Variants in GALNT1 observed in about 807,000 individuals in gnomAD.
GALNT1 encodes polypeptide N-acetylgalactosaminyltransferase 1.
Under a neutral mutation model 65.7 loss-of-function variants are expected in GALNT1, and 17 were observed. The ratio of observed to expected loss-of-function variants is 0.26; its 90% CI spans 0.18 to 0.39. GALNT1 has a LOEUF of 0.39. GALNT1 is among the 10% of genes least tolerant of loss of function. The pLI is 1.00. For missense variants in GALNT1, 460 were observed against 672.8 expected (o/e 0.68, Z 3.50); for synonymous variants, 210 against 219.7 (o/e 0.96, Z 0.39).
chr18:35,632,392 A>G (rs76832959), intron 1 of GALNT1, among the ~76,000 whole-genome samples: 12,439 of 151,834 alleles, frequency 0.082, 617 homozygotes, highest in Admixed American at 0.17. Context: ...CAGAAATAAT[A>G]CCACACATCT....
intron 3 of GALNT1, among the ~76,000 whole-genome samples, chr18:35,669,782 A>T (rs995194357): frequency 6.6e-6 from 1 of 152,222 alleles, no homozygotes; most frequent in Admixed American, 6.5e-5. Flanking sequence ...CATGACACAG[A>T]TGCCTGTTAA....
rs1226694575 is a variant in GALNT1 at position 35,677,730 on chromosome 18, G to A, written c.454G>A (p.Val152Ile). ...ACCAAGACACATGATAGAAGAAATT[G>A]TTCTAGTAGATGATGCCAGTGAAAG... The part of the protein sequence containing the change: ...RSPRHMIEEI[V>I]LVDDASERDF... The change falls in exon 4 of 12, where the codon GTT becomes ATT. Residue 152 changes from valine to isoleucine, a missense_variant. By Grantham distance (29) the Val-to-Ile change is conservative. Transcript: ENST00000269195. The A allele has an allele frequency of 6.2e-7, 1 of 1,607,240 alleles. No individual in the cohort carries two copies. Among genetic ancestry groups the A allele is most frequent in the Non-Finnish European group, 8.5e-7 (1 of 1,175,978 alleles).
In GALNT1 at chr18:35,630,830, G is replaced by C. The variant is rs1446287514; in HGVS notation, c.-103-23730G>C. On this transcript the variant is annotated intron_variant, in intron 1 of 11. Coordinates refer to ENST00000269195, the MANE Select transcript of GALNT1 (RefSeq NM_020474.4). ...AGCAAGACTAATAAAGAAGAAAAGA[G>C]AGAAGAATCAAATAGACGCAATAAA... is the stretch of plus-strand genomic sequence containing the variant. Among the ~76,000 whole-genome samples the C allele has an allele frequency of 2.0e-5, 3 of 152,126 alleles. No homozygotes were observed. The East Asian group carries it at 5.8e-4, about 29-fold the overall frequency.
intron 3 of GALNT1, among the ~76,000 whole-genome samples, chr18:35,671,411 G>C (rs567788324): frequency 6.6e-6 from 1 of 152,088 alleles, no homozygotes; most frequent in African/African-American, 2.4e-5. Context: ...AGAGATGGGG[G>C]TCTCACGCCA....
chr18:35,596,199 C>G (rs1210710225), intron 1 of GALNT1: 1 of 152,072 alleles, frequency 6.6e-6, no homozygotes, highest in Non-Finnish European at 1.5e-5. Context: ...ACTCTTTTCC[C>G]CAGAGACCCC....
In GALNT1 at chr18:35,581,848, C is replaced by CGCG. The variant is rs1555644108; in HGVS notation, c.-117_-115dup. Reference sequence around the variant, plus strand: ...GGAGGACGCCTGCCGCCGCCGCCGCCGCGCGCCTAGCGAGGTGAGTGTATC... The same window carrying CGCG: ...GGAGGACGCCTGCCGCCGCCGCCGCCGCGGCGCGCCTAGCGAGGTGAGTGTATC... On this transcript the variant is annotated 5_prime_UTR_variant, in exon 1 of 12. Transcript: ENST00000269195. 9 of 110,428 alleles carry CGCG rather than the reference C, an allele frequency of 8.2e-5. No individual in the cohort carries two copies. Among genetic ancestry groups the CGCG allele is most frequent in the Admixed American group, 7.7e-4 (9 of 11,728 alleles). 6.8% of individuals were successfully genotyped at this position (110,428 alleles called of 1,614,324 possible). A position where few individuals can be genotyped will look rare whatever the true frequency, so the allele number is the denominator to read the frequency against.
intron 1 of GALNT1, among the ~76,000 whole-genome samples, chr18:35,654,171 C>G (rs2047347349): frequency 6.6e-6 from 1 of 152,122 alleles, no homozygotes; most frequent in Admixed American, 6.6e-5. Flanking sequence ...AGTTAAGACC[C>G]AGGTGTTTGA....
intron 1 of GALNT1, among the ~76,000 whole-genome samples, chr18:35,628,657 C>G (rs1281508878): frequency 6.6e-6 from 1 of 152,122 alleles, no homozygotes; most frequent in Non-Finnish European, 1.5e-5. Flanking sequence ...AAAATCAGAG[C>G]ACCTCTCCTC....
intron 1 of GALNT1, among the ~76,000 whole-genome samples, chr18:35,628,533 A>T (rs1419433950): frequency 6.6e-6 from 1 of 152,236 alleles, no homozygotes; most frequent in African/African-American, 2.4e-5. Flanking sequence ...AAACTAACAA[A>T]CAGAAAGGAC....
rs117377095 is a variant in GALNT1 at position 35,653,695 on chromosome 18, G to A, written c.-103-865G>A. ...TCATGCTCCAAGATGAATTCCTTAC[G>A]CTTAAGACACCTATGCTCAAACTAT... On this transcript the variant is annotated intron_variant, in intron 1 of 11. Coordinates refer to ENST00000269195, the MANE Select transcript of GALNT1 (RefSeq NM_020474.4). 4.5e-4 allele frequency among the ~76,000 whole-genome samples: 68 copies of A among 152,256 alleles called. No homozygotes were observed. In the East Asian group the frequency reaches 0.012, roughly 27 times the overall value.
intron 1 of GALNT1, among the ~76,000 whole-genome samples, chr18:35,588,408 G>A (rs72958836): frequency 0.082 from 12,405 of 152,114 alleles, 563 homozygotes; most frequent in African/African-American, 0.12. Context: ...ATACATTTCG[G>A]TGTGGATTCC....
rs75448346 is a variant in GALNT1 at position 35,634,346 on chromosome 18, A to C, written c.-103-20214A>C. Among the ~76,000 whole-genome samples, 1,358 of 152,296 alleles carry C rather than the reference A, an allele frequency of 8.9e-3. 22 individuals carry two copies. The highest frequency in any genetic ancestry group is 0.029 in the African/African-American group (1,216 of 41,560). ...AATTTCAGCATTTGGCTTAATAGAC[A>C]CTGATTTCTGTCTTAATATGCTGAT... On this transcript the variant is annotated intron_variant, in intron 1 of 11. Transcript: ENST00000269195.
intron 1 of GALNT1, among the ~76,000 whole-genome samples, chr18:35,632,279 A>T (rs1327066411): frequency 6.6e-6 from 1 of 152,208 alleles, no homozygotes; most frequent in East Asian, 1.9e-4. Flanking sequence ...TGGAGGCATC[A>T]TGCTACCTGA....
At chr18:35,624,912 TG>T (rs1437438242) in intron 1 of GALNT1, among the ~76,000 whole-genome samples, 1 of 152,232 alleles carries the variant, frequency 6.6e-6, no homozygotes, top group Non-Finnish European at 1.5e-5. Context: ...TGCCAAGTAC[TG>T]TTCCAGATGA....
intron 5 of GALNT1, 147 bp downstream of exon 5, chr18:35,683,745 G>A (rs997334456): frequency 1.1e-4 from 70 of 649,126 alleles, no homozygotes; most frequent in Non-Finnish European, 1.7e-4. Flanking sequence ...GACTCTAAAG[G>A]AAATATCCAG....
intron 2 of GALNT1, among the ~76,000 whole-genome samples, chr18:35,661,339 A>T (rs1470823979): frequency 6.6e-6 from 1 of 152,050 alleles, no homozygotes; most frequent in Non-Finnish European, 1.5e-5. Flanking sequence ...TTTCTACTGA[A>T]AATACAAAAA....
intron 1 of GALNT1, among the ~76,000 whole-genome samples, chr18:35,631,658 G>A (rs1390441517): frequency 6.6e-6 from 1 of 152,120 alleles, no homozygotes; most frequent in African/African-American, 2.4e-5. Flanking sequence ...AGACAGGGAT[G>A]CCCTCTCTCA....
At chr18:35,684,953 AGC>A (rs2047844822) in intron 5 of GALNT1, among the ~76,000 whole-genome samples, 1 of 152,220 alleles carries the variant, frequency 6.6e-6, no homozygotes, top group Admixed American at 6.5e-5. Flanking sequence ...CTTAGTATAA[AGC>A]AAGAATGAAA....
At chr18:35,681,779 C>G (rs539262810) in intron 4 of GALNT1, among the ~76,000 whole-genome samples, 2 of 152,106 alleles carry the variant, frequency 1.3e-5, no homozygotes, top group African/African-American at 4.8e-5. Context: ...TATAGAGTTC[C>G]CTTCTAGGAT....
Sources: gnomAD v4.1 joint callset for allele counts (sites outside exome capture counted in the v4.1 genomes callset) on GRCh38, gnomAD v4.1.1 for gene constraint, MANE v1.5 for transcripts, NCBI Gene and HGNC (gene_info 2026-07-23, HGNC 2026-07-21) for gene names.